The following LUZP2 variants were observed in gnomAD, a reference collection of about 807,000 sequenced individuals.
LUZP2 encodes the protein leucine zipper protein 2.
Under a neutral mutation model 51.6 loss-of-function variants are expected in LUZP2, and 52 were observed. The ratio of observed to expected loss-of-function variants is 1.01; its 90% CI spans 0.81 to 1.27. The LOEUF is 1.27. Among genes scored for constraint, LUZP2 ranks in the 50% most tolerant of loss-of-function variants. The pLI is 0.00. For missense variants in LUZP2, 436 were observed against 395.4 expected (o/e 1.10, Z -0.87); for synonymous variants, 154 against 137.3 (o/e 1.12, Z -0.85).
chr11:24,690,577 T>C (rs944202774), intron 1 of LUZP2, among the ~76,000 whole-genome samples: 2 of 150,920 alleles, frequency 1.3e-5, no homozygotes, highest in African/African-American at 4.8e-5. Flanking sequence ...CTGATATCCT[T>C]CAAAGTTGCT....
At chr11:24,786,309 T>G in intron 5 of LUZP2, 2 of 980,974 alleles carry the variant, frequency 2.0e-6, no homozygotes, top group Non-Finnish European at 2.4e-6. Context: ...TGTTTTATTA[T>G]TTTACCACGG....
chr11:24,697,759 T>C (rs2133902011), intron 1 of LUZP2, among the ~76,000 whole-genome samples: 1 of 152,284 alleles, frequency 6.6e-6, no homozygotes, highest in African/African-American at 2.4e-5. Flanking sequence ...TCCAGAGTCA[T>C]GTAGCTGGAT....
chr11:24,501,067 A>C (rs1849978555), intron 1 of LUZP2, among the ~76,000 whole-genome samples: 1 of 152,182 alleles, frequency 6.6e-6, no homozygotes, highest in South Asian at 2.1e-4. Context: ...TTTTGAGGCA[A>C]CATGGGTTTG....
chr11:24,563,955 C>T (rs1334657555), intron 1 of LUZP2, among the ~76,000 whole-genome samples: 2 of 151,930 alleles, frequency 1.3e-5, no homozygotes, highest in African/African-American at 4.8e-5. Context: ...CCACTTTTTT[C>T]TTAGAAGTTA....
chr11:24,752,777 G>T (rs935370651), intron 4 of LUZP2, among the ~76,000 whole-genome samples: 2 of 151,846 alleles, frequency 1.3e-5, no homozygotes, highest in Non-Finnish European at 2.9e-5. Context: ...AGGAAAAAAG[G>T]CAAAAAATTC....
chr11:25,064,092 G>C (rs1858927707), intron 10 of LUZP2, among the ~76,000 whole-genome samples: 1 of 146,798 alleles, frequency 6.8e-6, no homozygotes, highest in African/African-American at 2.4e-5. Context: ...ATGTCTGCTT[G>C]TTTACAAAGC....
chr11:24,789,964 C>G (rs1849363939), intron 5 of LUZP2, among the ~76,000 whole-genome samples: 1 of 152,198 alleles, frequency 6.6e-6, no homozygotes, highest in East Asian at 1.9e-4. Context: ...TACCCATTTA[C>G]TCTGCTTTCT....
At chr11:24,881,203 G>C (rs1450921729) in intron 5 of LUZP2, among the ~76,000 whole-genome samples, 1 of 152,090 alleles carries the variant, frequency 6.6e-6, no homozygotes, top group East Asian at 1.9e-4. Flanking sequence ...TACATTTAAA[G>C]TGAAATTATG....
At chr11:25,065,331 A>G (rs943427832) in intron 10 of LUZP2, among the ~76,000 whole-genome samples, 1 of 152,032 alleles carries the variant, frequency 6.6e-6, no homozygotes, top group Non-Finnish European at 1.5e-5. Flanking sequence ...TGCCTATAAC[A>G]TTAATCCTTA....
At chr11:24,969,486 A>G (rs1473207586) in intron 7 of LUZP2, among the ~76,000 whole-genome samples, 2 of 152,142 alleles carry the variant, frequency 1.3e-5, no homozygotes, top group Non-Finnish European at 2.9e-5. Flanking sequence ...TTTATTCTAT[A>G]GGACAGTATA....
At chr11:24,799,370 G>A (rs1849630956) in intron 5 of LUZP2, among the ~76,000 whole-genome samples, 1 of 152,028 alleles carries the variant, frequency 6.6e-6, no homozygotes, top group Admixed American at 6.6e-5. Flanking sequence ...GGCCAATGTG[G>A]GGGGATCACG....
intron 1 of LUZP2, among the ~76,000 whole-genome samples, chr11:24,636,198 A>G (rs901351484): frequency 6.6e-6 from 1 of 152,192 alleles, no homozygotes; most frequent in Non-Finnish European, 1.5e-5. Context: ...GTATGATGGC[A>G]TTCTGAGTCA....
intron 9 of LUZP2, among the ~76,000 whole-genome samples, chr11:25,030,440 T>A (rs919755655): frequency 6.6e-6 from 1 of 152,126 alleles, no homozygotes; most frequent in Non-Finnish European, 1.5e-5. Context: ...AATATAGAAC[T>A]AGAAGTGAGT....
chr11:24,914,599 A>T (rs569334619), intron 7 of LUZP2, 61 bp downstream of exon 7: 15 of 1,106,438 alleles, frequency 1.4e-5, no homozygotes, highest in Middle Eastern at 2.0e-4. Context: ...AATATCAAAA[A>T]CATTATTTAG....
At chr11:24,521,837 C>G (rs903728336) in intron 1 of LUZP2, among the ~76,000 whole-genome samples, 3 of 151,968 alleles carry the variant, frequency 2.0e-5, no homozygotes, top group Non-Finnish European at 4.4e-5. Context: ...GAAGTTAAGA[C>G]TTCTAAGTCA....
At chr11:24,786,670 A>T in intron 5 of LUZP2, 1 of 149,396 alleles carries the variant, frequency 6.7e-6, no homozygotes, top group Non-Finnish European at 1.5e-5. Flanking sequence ...ATATATAAAT[A>T]TGTATATTAT....
At chr11:24,549,370 C>T (rs2403960) in intron 1 of LUZP2, among the ~76,000 whole-genome samples, 63,709 of 151,922 alleles carry the variant, frequency 0.42, 13,870 homozygotes, top group African/African-American at 0.51. Flanking sequence ...TCCTCTCCTA[C>T]GATAACAATG....
chr11:24,927,212 T>A (rs1854307167), intron 7 of LUZP2, among the ~76,000 whole-genome samples: 1 of 152,076 alleles, frequency 6.6e-6, no homozygotes, highest in Non-Finnish European at 1.5e-5. Flanking sequence ...ACTCTTTGGG[T>A]TATCTATTTG....
intron 1 of LUZP2, among the ~76,000 whole-genome samples, chr11:24,638,541 AC>A (rs1404847580): frequency 6.6e-6 from 1 of 151,708 alleles, no homozygotes; most frequent in East Asian, 1.9e-4. Flanking sequence ...TTCAAAGTAT[AC>A]AGTATTTACT....
Sources: gnomAD v4.1 joint callset for allele counts (sites outside exome capture counted in the v4.1 genomes callset) on GRCh38, gnomAD v4.1.1 for gene constraint, MANE v1.5 for transcripts, NCBI Gene and HGNC (gene_info 2026-07-23, HGNC 2026-07-21) for gene names.